MTCL1: variants seen among roughly 807,000 people sequenced by gnomAD.
The protein encoded by MTCL1 is microtubule cross-linking factor 1.
A neutral mutation model predicts 141.4 loss-of-function variants in MTCL1; 79 were observed. The observed-to-expected ratio is 0.56, with a 90% CI of 0.47 to 0.67. The LOEUF (loss-of-function observed/expected upper bound fraction) is 0.67, where lower values mean the gene tolerates loss of function less well. Among genes scored for constraint, MTCL1 ranks in the 30% least tolerant of loss-of-function variants. MTCL1 has a pLI of 0.00. For missense variants in MTCL1, 2,177 were observed against 2,113.9 expected (o/e 1.03, Z -0.59); for synonymous variants, 914 against 875.8 (o/e 1.04, Z -0.77).
intron 12 of MTCL1, among the ~76,000 whole-genome samples, chr18:8,817,866 C>T (rs1568094402): frequency 6.6e-6 from 1 of 152,220 alleles, no homozygotes; most frequent in East Asian, 1.9e-4. Flanking sequence ...GAAATAGCTT[C>T]AGGTCTCAGT....
intron 4 of MTCL1, among the ~76,000 whole-genome samples, chr18:8,757,457 C>T (rs1027468333): frequency 6.6e-6 from 1 of 152,124 alleles, no homozygotes; most frequent in African/African-American, 2.4e-5. Flanking sequence ...AAGGTTCTTC[C>T]TTTAAGAAAG....
At chr18:8,706,698 G>T in exon 1 of MTCL1, 1 of 1,546,120 alleles carries the variant, frequency 6.5e-7, no homozygotes, top group Non-Finnish European at 8.7e-7. Flanking sequence ...TGCGCTCGGA[G>T]AACGACTATC....
chr18:8,718,451 A>G, exon 3 of MTCL1: 1 of 1,614,192 alleles, frequency 6.2e-7, no homozygotes, highest in Non-Finnish European at 8.5e-7. Context: ...CCGTGCTGAG[A>G]TGGAAGAGAT....
intron 9 of MTCL1, 124 bp downstream of exon 8, chr18:8,796,586 A>G (rs1203675904): frequency 9.9e-7 from 1 of 1,014,610 alleles, no homozygotes; most frequent in South Asian, 1.7e-5. Flanking sequence ...TATTTGGTTA[A>G]CATCTAATAT....
chr18:8,706,639 C>T (rs1178764904), exon 1 of MTCL1: 1 of 1,546,470 alleles, frequency 6.5e-7, no homozygotes, highest in Non-Finnish European at 8.7e-7. Context: ...GCAGTCTCGG[C>T]TCGTGCCAGC....
At chr18:8,825,007 A>G (rs1178997976) in exon 15 of MTCL1, 1 of 1,613,190 alleles carries the variant, frequency 6.2e-7, no homozygotes, top group African/African-American at 1.3e-5. Context: ...ATGACCACGG[A>G]CACCATGACC....
chr18:8,794,564 G>A (rs2075848696), intron 8 of MTCL1, among the ~76,000 whole-genome samples: 1 of 152,210 alleles, frequency 6.6e-6, no homozygotes, highest in South Asian at 2.1e-4. Context: ...AGGCGGGGAA[G>A]GGTCTCACGT....
intron 7 of MTCL1, chr18:8,786,539 T>G: frequency 2.7e-6 from 1 of 363,690 alleles, no homozygotes; most frequent in Non-Finnish European, 5.4e-6. Context: ...CGAGTGACAC[T>G]GCTGGCAGGT....
At chr18:8,802,160 G>A (rs571358968) in intron 10 of MTCL1, 2 of 152,342 alleles carry the variant, frequency 1.3e-5, no homozygotes, top group South Asian at 2.1e-4. Flanking sequence ...TCCTGCTGGT[G>A]GAGGAGTTGC....
At chr18:8,742,985 A>G (rs948397188) in intron 4 of MTCL1, among the ~76,000 whole-genome samples, 9 of 152,218 alleles carry the variant, frequency 5.9e-5, no homozygotes, top group African/African-American at 1.7e-4. Context: ...TTGCTTTTCT[A>G]CTTATCACAA....
chr18:8,732,813 G>T (rs1306603319), intron 4 of MTCL1, among the ~76,000 whole-genome samples: 1 of 152,216 alleles, frequency 6.6e-6, no homozygotes, highest in African/African-American at 2.4e-5. Flanking sequence ...TCCCCTGAAA[G>T]AATGTTGGGG....
chr18:8,734,466 G>A (rs971512283), intron 4 of MTCL1, among the ~76,000 whole-genome samples: 6 of 152,000 alleles, frequency 3.9e-5, no homozygotes, highest in African/African-American at 1.5e-4. Context: ...CTCCAGCTTG[G>A]CTCATTATGT....
intron 2 of MTCL1, chr18:8,718,094 G>C: frequency 2.9e-6 from 2 of 701,700 alleles, no homozygotes; most frequent in Non-Finnish European, 4.1e-6. Flanking sequence ...TCAATGTTTG[G>C]TTTGAATTGA....
chr18:8,719,222 G>A lies in MTCL1; in HGVS notation c.198+574G>A, dbSNP rs77025669. ...TTAAGCCATTTTCTCTCCGTGGGCA[G>A]CGAGGCCCTCATGACCTGATTATCA... On this transcript the variant is annotated intron_variant, in intron 3 of 16. Coordinates refer to ENST00000359865, the Ensembl canonical transcript of MTCL1. Among the ~76,000 whole-genome samples the A allele has an allele frequency of 2.1e-3, 319 of 152,316 alleles. 1 individual carries two copies. Among genetic ancestry groups the A allele is most frequent in the African/African-American group, 7.3e-3 (304 of 41,570 alleles).
Position 8,779,531 on chromosome 18 carries a change from G to C in MTCL1, c.417+1639G>C, listed in dbSNP as rs1032072926. ...ATTCCACATCTTATGAGAAGGAGTG[G>C]CTTCCCCTACTCAGAACAGGCCGAG... is the stretch of plus-strand genomic sequence containing the variant. On this transcript the variant is annotated intron_variant, in intron 5 of 16. Coordinates refer to ENST00000359865, the Ensembl canonical transcript of MTCL1. The surrounding 1 kb of genome is among the most constrained non-coding windows in gnomAD (Gnocchi z 4.1). Among the ~76,000 whole-genome samples, 5 of 152,176 alleles carry C rather than the reference G, an allele frequency of 3.3e-5. No individual in the cohort carries two copies. The East Asian group carries it at 7.7e-4, about 23-fold the overall frequency.
At chr18:8,823,130 G>A (rs528941573) in intron 14 of MTCL1, among the ~76,000 whole-genome samples, 10 of 152,150 alleles carry the variant, frequency 6.6e-5, no homozygotes, top group East Asian at 5.8e-4. Context: ...CTGACTGCCC[G>A]GTATGTTTCC....
At chr18:8,795,447 T>C (rs2075883902) in intron 8 of MTCL1, among the ~76,000 whole-genome samples, 1 of 152,264 alleles carries the variant, frequency 6.6e-6, no homozygotes, top group South Asian at 2.1e-4. Flanking sequence ...TTGTGCCTTA[T>C]GTGCAAAGTG....
At chr18:8,708,051 A>G (rs944933248) in intron 1 of MTCL1, among the ~76,000 whole-genome samples, 1 of 152,262 alleles carries the variant, frequency 6.6e-6, no homozygotes, top group African/African-American at 2.4e-5. Flanking sequence ...ACTCTTAGGT[A>G]ATAGACAACG....
intron 11 of MTCL1, among the ~76,000 whole-genome samples, chr18:8,812,656 C>G (rs2076527380): frequency 6.6e-6 from 1 of 152,118 alleles, no homozygotes; most frequent in African/African-American, 2.4e-5. Context: ...CATATAGGAG[C>G]TAAGGATATA....
Sources: allele counts gnomAD v4.1 joint callset (sites outside exome capture counted in the v4.1 genomes callset), GRCh38; gene constraint gnomAD v4.1.1; non-coding constraint Gnocchi (gnomAD v3.1); transcripts MANE v1.5; gene names NCBI Gene and HGNC (gene_info 2026-07-23, HGNC 2026-07-21).